Variants in PRKCA observed in about 807,000 individuals in gnomAD.
PRKCA encodes the protein protein kinase C alpha type.
In PRKCA, 27 loss-of-function variants were observed where a neutral mutation model predicts 87.0. The observed-to-expected ratio is 0.31, with a 90% confidence interval of 0.23 to 0.43. The LOEUF is 0.43. Among genes scored for constraint, PRKCA ranks in the 20% least tolerant of loss-of-function variants. The pLI is 1.00. For missense variants in PRKCA, 518 were observed against 852.3 expected (o/e 0.61, Z 4.88); for synonymous variants, 329 against 311.1 (o/e 1.06, Z -0.61).
intron 5 of PRKCA, among the ~76,000 whole-genome samples, chr17:66,679,929 G>A (rs1972443827): frequency 6.6e-6 from 1 of 152,172 alleles, no homozygotes; most frequent in African/African-American, 2.4e-5. Flanking sequence ...CTTGATAATA[G>A]CATCTTTTTA....
intron 2 of PRKCA, among the ~76,000 whole-genome samples, chr17:66,407,272 G>A (rs952801720): frequency 2.0e-5 from 3 of 151,988 alleles, no homozygotes; most frequent in African/African-American, 4.8e-5. Context: ...TCAGATCATG[G>A]GGGCGGATCC....
intron 2 of PRKCA, among the ~76,000 whole-genome samples, chr17:66,495,775 G>T (rs1181533461): frequency 6.6e-6 from 1 of 151,864 alleles, no homozygotes; most frequent in Non-Finnish European, 1.5e-5. Flanking sequence ...TACCATGTTG[G>T]CCAGGCTGCT....
intron 3 of PRKCA, among the ~76,000 whole-genome samples, chr17:66,637,272 G>GA (rs761410911): frequency 4.6e-5 from 7 of 152,144 alleles, no homozygotes; most frequent in Non-Finnish European, 8.8e-5. Flanking sequence ...GGCTCCGTGC[G>GA]AGCTGCCATT....
At chr17:66,544,535 A>G (rs1968089167) in intron 3 of PRKCA, among the ~76,000 whole-genome samples, 2 of 152,240 alleles carry the variant, frequency 1.3e-5, no homozygotes, top group South Asian at 4.1e-4. Context: ...ATTGAGAGTT[A>G]CATGAAGCCT....
At chr17:66,684,322 A>G (rs2060189093) in intron 5 of PRKCA, among the ~76,000 whole-genome samples, 1 of 152,214 alleles carries the variant, frequency 6.6e-6, no homozygotes, top group Non-Finnish European at 1.5e-5. Flanking sequence ...CAGATGAGGA[A>G]ACTTAGGAAG....
intron 2 of PRKCA, among the ~76,000 whole-genome samples, chr17:66,323,450 G>A (rs562599670): frequency 1.3e-5 from 2 of 152,306 alleles, no homozygotes; most frequent in African/African-American, 4.8e-5. Context: ...TGATAAAATG[G>A]TTTATGTTAA....
intron 3 of PRKCA, among the ~76,000 whole-genome samples, chr17:66,605,721 C>G (rs564202577): frequency 2.0e-5 from 3 of 152,138 alleles, no homozygotes; most frequent in Non-Finnish European, 4.4e-5. Flanking sequence ...GTGATATATT[C>G]GTGCAGTTGA....
chr17:66,609,181 CAG>C (rs999877726), intron 3 of PRKCA, among the ~76,000 whole-genome samples: 12 of 152,136 alleles, frequency 7.9e-5, no homozygotes, highest in Admixed American at 7.8e-4. Context: ...TTTTTAAACA[CAG>C]AGGAGTGTTG....
intron 3 of PRKCA, among the ~76,000 whole-genome samples, chr17:66,516,224 G>A (rs1365641086): frequency 6.6e-6 from 1 of 152,160 alleles, no homozygotes; most frequent in East Asian, 1.9e-4. Context: ...CACAGGCTGC[G>A]GGTATTAAAG....
At chr17:66,559,619 CA>C (rs1406818320) in intron 3 of PRKCA, among the ~76,000 whole-genome samples, 2 of 149,850 alleles carry the variant, frequency 1.3e-5, no homozygotes, top group African/African-American at 5.0e-5. Flanking sequence ...TCCAATAAGG[CA>C]AATTTTTTTT....
At chr17:66,626,609 A>G (rs1468059538) in intron 3 of PRKCA, among the ~76,000 whole-genome samples, 2 of 150,104 alleles carry the variant, frequency 1.3e-5, no homozygotes, top group Non-Finnish European at 3.0e-5. Context: ...TGACCTCGTG[A>G]TCCGCCTGCC....
chr17:66,434,821 C>T (rs981847991), intron 2 of PRKCA, among the ~76,000 whole-genome samples: 2 of 152,192 alleles, frequency 1.3e-5, no homozygotes, highest in East Asian at 1.9e-4. Context: ...ACAGTATTTA[C>T]TACCTACCTT....
In PRKCA at chr17:66,499,384, G is replaced by C. The variant is rs188394520; in HGVS notation, c.288+3101G>C. ...GGGGCTATAGGCCAATACTGTGATC[G>C]TATCTCTGTGTTTGTTATGAATTCT... On this transcript the variant is annotated intron_variant, in intron 3 of 16. Transcript: ENST00000413366. 3.9e-5 allele frequency among the ~76,000 whole-genome samples: 6 copies of C among 152,262 alleles called. No homozygotes were observed. The South Asian group carries it at 1.2e-3, about 32-fold the overall frequency.
At chr17:66,311,049 A>C (rs760109459) in intron 2 of PRKCA, among the ~76,000 whole-genome samples, 6 of 152,278 alleles carry the variant, frequency 3.9e-5, no homozygotes, top group Non-Finnish European at 7.4e-5. Context: ...AGTTAGTGCC[A>C]GGGTTTTCCA....
intron 3 of PRKCA, among the ~76,000 whole-genome samples, chr17:66,544,791 C>T (rs1306084058): frequency 6.6e-6 from 1 of 152,008 alleles, no homozygotes; most frequent in African/African-American, 2.4e-5. Context: ...TGGGATTTCA[C>T]CATGTTGGTC....
At chr17:66,502,338 G>A (rs1035498623) in intron 3 of PRKCA, among the ~76,000 whole-genome samples, 2 of 150,874 alleles carry the variant, frequency 1.3e-5, no homozygotes, top group African/African-American at 4.9e-5. Context: ...GGATTCAAGC[G>A]ATTCTCTTGT....
Position 66,808,322 on chromosome 17 carries a change from G to GGTTTTT in PRKCA, c.*4285_*4286insGTTTTT, listed in dbSNP as rs10650691. On this transcript the variant is annotated 3_prime_UTR_variant, in exon 17 of 17. Coordinates refer to ENST00000413366, the MANE Select transcript of PRKCA (RefSeq NM_002737.3). ...GAGGGTTTTTTTTGTTTTTGTTCCT[G>GGTTTTT]TTTTTTTTTTTTTTGCTGGAATTTG... is the stretch of plus-strand genomic sequence containing the variant. 1.5e-5 allele frequency: 2 copies of GGTTTTT among 131,264 alleles called. No individual in the cohort carries two copies. The highest frequency in any genetic ancestry group is 3.2e-5 in the Non-Finnish European group (2 of 63,298). 8.1% of individuals were successfully genotyped at this position (131,264 alleles called of 1,614,324 possible).
chr17:66,342,439 A>AT (rs1240840697), intron 2 of PRKCA, among the ~76,000 whole-genome samples: 2 of 90,644 alleles, frequency 2.2e-5, no homozygotes, highest in East Asian at 2.5e-4. Flanking sequence ...ATAAAATAAA[A>AT]TAAATAATAA....
At chr17:66,516,076 G>T (rs1476803134) in intron 3 of PRKCA, among the ~76,000 whole-genome samples, 1 of 152,134 alleles carries the variant, frequency 6.6e-6, no homozygotes, top group African/African-American at 2.4e-5. Context: ...ATTGATTGAA[G>T]CAAAGCATGT....
Sources: allele counts gnomAD v4.1 joint callset (sites outside exome capture counted in the v4.1 genomes callset), GRCh38; gene constraint gnomAD v4.1.1; transcripts MANE v1.5; gene names NCBI Gene and HGNC (gene_info 2026-07-23, HGNC 2026-07-21).